Variants in PPP2R5C observed in about 807,000 individuals in gnomAD.
The protein encoded by PPP2R5C is protein phosphatase 2 regulatory subunit B'gamma.
In PPP2R5C, 7 loss-of-function variants were observed where a neutral mutation model predicts 68.9. The observed-to-expected ratio is 0.10, with a 90% CI of 0.06 to 0.19. The LOEUF (loss-of-function observed/expected upper bound fraction) is 0.19, where lower values mean the gene tolerates loss of function less well. Among genes scored for constraint, PPP2R5C ranks in the 10% least tolerant of loss-of-function variants. The probability of loss-of-function intolerance (pLI) is 1.00; values close to 1 mark genes in which losing one functional copy is unlikely to be tolerated. For missense variants in PPP2R5C, 348 were observed against 641.3 expected (o/e 0.54, Z 4.94); for synonymous variants, 210 against 222.2 (o/e 0.95, Z 0.49).
upstream of PPP2R5C, among the ~76,000 whole-genome samples, chr14:101,806,110 A>G (rs1184384590): frequency 6.6e-6 from 1 of 151,862 alleles, no homozygotes; most frequent in Non-Finnish European, 1.5e-5. Context: ...TTTTTATTTT[A>G]CCTTAAGTTC....
intron 3 of PPP2R5C, among the ~76,000 whole-genome samples, chr14:101,798,898 A>G (rs67461647): frequency 0.19 from 29,409 of 152,094 alleles, 3,689 homozygotes; most frequent in African/African-American, 0.35. Flanking sequence ...ATCATGGGGG[A>G]CCTGGAATGG....
intron 2 of PPP2R5C, among the ~76,000 whole-genome samples, chr14:101,764,601 A>C (rs1375158257): frequency 6.6e-6 from 1 of 152,180 alleles, no homozygotes; most frequent in East Asian, 1.9e-4. Flanking sequence ...CAAAAAGCAG[A>C]AATCCAAAAG....
chr14:101,885,943 G>T (rs2044475692), intron 5 of PPP2R5C, among the ~76,000 whole-genome samples: 1 of 152,180 alleles, frequency 6.6e-6, no homozygotes, highest in Non-Finnish European at 1.5e-5. Flanking sequence ...AGTAGGTTTT[G>T]TTCAGATAGC....
chr14:101,874,689 G>C (rs915372993), intron 2 of PPP2R5C, among the ~76,000 whole-genome samples: 3 of 152,080 alleles, frequency 2.0e-5, no homozygotes, highest in Admixed American at 6.5e-5. Context: ...TGTTTGAAAA[G>C]TTTAGACTAA....
chr14:101,787,600 A>G (rs150425446), intron 3 of PPP2R5C, among the ~76,000 whole-genome samples: 10,902 of 151,988 alleles, frequency 0.072, 413 homozygotes, highest in Middle Eastern at 0.095. Flanking sequence ...CGTCTCTACT[A>G]AAAATACAAA....
intron 8 of PPP2R5C, among the ~76,000 whole-genome samples, chr14:101,898,111 G>A (rs2045466688): frequency 6.6e-6 from 1 of 152,152 alleles, no homozygotes; most frequent in Admixed American, 6.5e-5. Flanking sequence ...AGTGAGCTAT[G>A]AACGCACCAA....
intron 1 of PPP2R5C, among the ~76,000 whole-genome samples, chr14:101,840,476 C>T (rs8018243): frequency 8.4e-4 from 113 of 133,872 alleles, no homozygotes; most frequent in Admixed American, 3.1e-3. Context: ...CTGCTCCCCC[C>T]ACCACCAAAA....
At chr14:101,802,004 C>A (rs2038881523) in intron 3 of PPP2R5C, among the ~76,000 whole-genome samples, 1 of 152,212 alleles carries the variant, frequency 6.6e-6, no homozygotes, top group South Asian at 2.1e-4. Flanking sequence ...CAGAAACAAA[C>A]CCTCACATAG....
chr14:101,860,113 C>T (rs1416538882), intron 2 of PPP2R5C, among the ~76,000 whole-genome samples: 1 of 152,008 alleles, frequency 6.6e-6, no homozygotes, highest in Non-Finnish European at 1.5e-5. Context: ...TAGAATTGTA[C>T]AGCCAGTATC....
At chr14:101,837,390 G>A (rs777323696) in intron 1 of PPP2R5C, among the ~76,000 whole-genome samples, 10 of 151,918 alleles carry the variant, frequency 6.6e-5, no homozygotes, top group Non-Finnish European at 1.0e-4. Context: ...CAGGTGATCC[G>A]CCCACCTCAG....
intron 2 of PPP2R5C, chr14:101,765,567 C>CT: frequency 1.8e-5 from 4 of 218,548 alleles, no homozygotes; most frequent in South Asian, 9.4e-5. Flanking sequence ...TGCTTTCAAG[C>CT]CTTTTTTTTT....
chr14:101,827,751 C>T (rs2040483384), intron 1 of PPP2R5C, among the ~76,000 whole-genome samples: 1 of 152,178 alleles, frequency 6.6e-6, no homozygotes, highest in Non-Finnish European at 1.5e-5. Flanking sequence ...CTAAGGAGGG[C>T]ACCCCAGACA....
intron 1 of PPP2R5C, among the ~76,000 whole-genome samples, chr14:101,851,655 G>C (rs1033232746): frequency 1.3e-5 from 2 of 151,898 alleles, no homozygotes; most frequent in African/African-American, 2.4e-5. Context: ...TTGCTCCATC[G>C]GGGTAATGCT....
Position 101,924,445 on chromosome 14 carries a change from C to CTTTT in PPP2R5C, c.1444-687_1444-684dup, listed in dbSNP as rs11325673. On this transcript the variant is annotated intron_variant, in intron 13 of 13. Transcript: ENST00000334743. Reference sequence around the variant, plus strand: ...TTTACCTCCAAGGAAATTTCTACATCTTTTTTTTTTTTGAGATGGAGTCTG... The same window carrying CTTTT: ...TTTACCTCCAAGGAAATTTCTACATCTTTTTTTTTTTTTTTTGAGATGGAGTCTG... Among the ~76,000 whole-genome samples the CTTTT allele has an allele frequency of 3.2e-4, 27 of 84,536 alleles. 3 individuals are homozygous for CTTTT. Among genetic ancestry groups the CTTTT allele is most frequent in the African/African-American group, 7.4e-4 (17 of 23,064 alleles). The allele number at this position is 84,536 out of a possible 152,430, so 55.5% of individuals were successfully genotyped here.
intron 2 of PPP2R5C, among the ~76,000 whole-genome samples, chr14:101,780,846 G>A (rs1256081790): frequency 2.0e-5 from 3 of 152,162 alleles, no homozygotes; most frequent in Admixed American, 6.5e-5. Flanking sequence ...GAATTGCTCC[G>A]GTGTGAGGTG....
At chr14:101,808,596 T>A (rs2039174108), upstream of PPP2R5C, among the ~76,000 whole-genome samples, 1 of 152,234 alleles carries the variant, frequency 6.6e-6, no homozygotes, top group South Asian at 2.1e-4. Flanking sequence ...TATCTGGCGC[T>A]AAACCCTCAG....
chr14:101,867,632 G>A (rs1035026652), intron 2 of PPP2R5C, among the ~76,000 whole-genome samples: 2 of 151,938 alleles, frequency 1.3e-5, no homozygotes, highest in African/African-American at 4.8e-5. Context: ...ATGAAAATTA[G>A]CCAGGCATGG....
chr14:101,778,795 C>A (rs2037542769), intron 2 of PPP2R5C, among the ~76,000 whole-genome samples: 2 of 152,198 alleles, frequency 1.3e-5, no homozygotes, highest in African/African-American at 4.8e-5. Flanking sequence ...TGGCTCACCA[C>A]ACCTGTAATC....
At chr14:101,837,508 C>A (rs1297408111) in intron 1 of PPP2R5C, among the ~76,000 whole-genome samples, 1 of 152,096 alleles carries the variant, frequency 6.6e-6, no homozygotes, top group Admixed American at 6.5e-5. Context: ...GATGTGATTT[C>A]CAAAAATTTG....
Sources: gnomAD v4.1 joint callset for allele counts (sites outside exome capture counted in the v4.1 genomes callset) on GRCh38, gnomAD v4.1.1 for gene constraint, MANE v1.5 for transcripts, NCBI Gene and HGNC (gene_info 2026-07-23, HGNC 2026-07-21) for gene names.